MYO9A: variants seen among roughly 807,000 people sequenced by gnomAD.
MYO9A encodes the protein unconventional myosin-IXa.
A neutral mutation model predicts 293.3 loss-of-function variants in MYO9A; 103 were observed. The observed-to-expected ratio is 0.35, with a 90% CI of 0.30 to 0.41. MYO9A has a LOEUF of 0.41. Among genes scored for constraint, MYO9A ranks in the 10% least tolerant of loss-of-function variants. The pLI, the probability that MYO9A is intolerant of heterozygous loss-of-function variation, is 1.00. For synonymous variants in MYO9A, 1,001 were observed against 1,035.7 expected (o/e 0.97, Z 0.64); for missense variants, 2,685 against 3,033.0 (o/e 0.89, Z 2.69).
At chr15:72,039,655 C>A (rs2078166328) in intron 2 of MYO9A, among the ~76,000 whole-genome samples, 1 of 151,836 alleles carries the variant, frequency 6.6e-6, no homozygotes, top group South Asian at 2.1e-4. Context: ...ATGGAGAAAC[C>A]CCATCTCTAC....
intron 3 of MYO9A, among the ~76,000 whole-genome samples, chr15:72,028,218 A>ATATATATATATATATATATAT (rs1555408278): frequency 2.3e-4 from 31 of 134,232 alleles, no homozygotes; most frequent in Admixed American, 5.4e-4. Context: ...TAAATAAATA[A>ATATATATATATATATATATAT]ATATATATAT....
At chr15:71,904,139 G>C in intron 20 of MYO9A, 100 bp from the exon 21 acceptor site, 1 of 934,000 alleles carries the variant, frequency 1.1e-6, no homozygotes, top group East Asian at 2.6e-5. Context: ...GAGATTGACT[G>C]GAGGTTGTCT....
At chr15:71,970,828 T>C (rs1200524116) in intron 12 of MYO9A, among the ~76,000 whole-genome samples, 1 of 152,166 alleles carries the variant, frequency 6.6e-6, no homozygotes, top group East Asian at 1.9e-4. Context: ...TATGGCCACA[T>C]GGCTCAACCC....
Position 72,046,219 on chromosome 15 carries a change from T to G in MYO9A, c.345A>C (p.Ser115=). 1 of 1,613,960 alleles carries G rather than the reference T, an allele frequency of 6.2e-7. No individual in the cohort carries two copies. The highest frequency in any genetic ancestry group is 8.5e-7 in the Non-Finnish European group (1 of 1,179,898). ...FLLREKNLDG[S]IHYGSLQSWL... ...ATGACTGCAGGCTACCATAATGGAT[T>G]GATCCATCAAGGTTTTTCTCTCTCA... The change falls in exon 2 of 42, where the codon TCA becomes TCC. Residue 115 remains serine (S), a synonymous_variant. Coordinates refer to ENST00000356056, the MANE Select transcript of MYO9A (RefSeq NM_006901.4).
At chr15:72,052,296 G>A (rs530705813) in intron 1 of MYO9A, among the ~76,000 whole-genome samples, 3 of 152,078 alleles carry the variant, frequency 2.0e-5, no homozygotes, top group East Asian at 3.9e-4. Flanking sequence ...CAGGACACCC[G>A]AACACTCATC....
chr15:71,923,068 C>A (rs1596199764), intron 18 of MYO9A, among the ~76,000 whole-genome samples: 1 of 152,102 alleles, frequency 6.6e-6, no homozygotes, highest in African/African-American at 2.4e-5. Flanking sequence ...CTGTCTATAT[C>A]ATGAGAGTTT....
At chr15:72,101,324 T>G (rs2080306845) in intron 1 of MYO9A, among the ~76,000 whole-genome samples, 1 of 138,590 alleles carries the variant, frequency 7.2e-6, no homozygotes, top group Non-Finnish European at 1.6e-5. Context: ...AGCCGCCCCG[T>G]CCGGGAGGGA....
chr15:71,978,097 G>A, intron 12 of MYO9A, 74 bp downstream of exon 12: 2 of 1,539,248 alleles, frequency 1.3e-6, no homozygotes, highest in Non-Finnish European at 1.8e-6. Flanking sequence ...GGTAATGTAA[G>A]AAAAAAGTTT....
intron 19 of MYO9A, among the ~76,000 whole-genome samples, chr15:71,908,636 A>G (rs970576373): frequency 2.6e-5 from 4 of 152,136 alleles, no homozygotes; most frequent in African/African-American, 9.7e-5. Context: ...GAGCAGTTTT[A>G]GGTTCACAGC....
intron 1 of MYO9A, among the ~76,000 whole-genome samples, chr15:72,103,532 G>T (rs76734127): frequency 0.2 from 29,789 of 149,798 alleles, 3,069 homozygotes; most frequent in East Asian, 0.39. Context: ...AGCAGTGGAA[G>T]CAGAAGCAGC....
chr15:72,021,633 TC>T (rs1479291736), intron 4 of MYO9A, among the ~76,000 whole-genome samples: 2 of 152,106 alleles, frequency 1.3e-5, no homozygotes, highest in Non-Finnish European at 2.9e-5. Context: ...AAAGATCTTT[TC>T]CCCAGAGGCA....
At chr15:71,880,638 C>A in intron 28 of MYO9A, 80 bp from the exon 29 acceptor site, 3 of 1,270,102 alleles carry the variant, frequency 2.4e-6, no homozygotes, top group Non-Finnish European at 3.3e-6. Context: ...TTTTAAAGTT[C>A]CTTTAACAAG....
intron 32 of MYO9A, 99 bp downstream of exon 32, chr15:71,875,692 C>G: frequency 1.8e-6 from 1 of 565,222 alleles, no homozygotes; most frequent in Non-Finnish European, 2.8e-6. Flanking sequence ...ACCTGATAAA[C>G]TTATTTCATA....
intron 14 of MYO9A, among the ~76,000 whole-genome samples, chr15:71,956,989 C>T (rs111508635): frequency 6.6e-6 from 1 of 151,794 alleles, no homozygotes; most frequent in African/African-American, 2.4e-5. Context: ...TTTGTTCATC[C>T]ATTCATCAGT....
chr15:72,113,480 C>G (rs1197967933), intron 1 of MYO9A, among the ~76,000 whole-genome samples: 6 of 152,138 alleles, frequency 3.9e-5, no homozygotes, highest in Non-Finnish European at 4.4e-5. Flanking sequence ...TGAAGAAAAG[C>G]TAGAGAATTA....
intron 12 of MYO9A, among the ~76,000 whole-genome samples, chr15:71,970,755 A>G (rs117825528): frequency 6.6e-6 from 1 of 152,234 alleles, no homozygotes; most frequent in Non-Finnish European, 1.5e-5. Context: ...AGCAGCTGCC[A>G]ATCAGCTCTA....
intron 1 of MYO9A, among the ~76,000 whole-genome samples, chr15:72,111,628 ATTACCCCC>A (rs1451699731): frequency 1.6e-5 from 2 of 124,570 alleles, no homozygotes; most frequent in African/African-American, 3.0e-5. Flanking sequence ...TGAGGCAAAT[ATTACCCCC>A]AATTTTTTTT....
chr15:71,983,466 A>ATTTTTTTTTTT (rs1217052840), intron 11 of MYO9A, among the ~76,000 whole-genome samples: 1 of 84,582 alleles, frequency 1.2e-5, no homozygotes, highest in Admixed American at 1.2e-4. Context: ...TATTTTTTTT[A>ATTTTTTTTTTT]TTTCTTTTTT....
chr15:71,917,814 T>C (rs752776073), intron 18 of MYO9A, among the ~76,000 whole-genome samples: 7 of 152,146 alleles, frequency 4.6e-5, no homozygotes, highest in Non-Finnish European at 8.8e-5. Context: ...AAACAAAAGA[T>C]TGTGTTAAAA....
Sources: gnomAD v4.1 joint callset for allele counts (sites outside exome capture counted in the v4.1 genomes callset) on GRCh38, gnomAD v4.1.1 for gene constraint, MANE v1.5 for transcripts, NCBI Gene and HGNC (gene_info 2026-07-23, HGNC 2026-07-21) for gene names.